FAF1: variants seen among roughly 807,000 people sequenced by gnomAD.
FAF1 encodes FAS-associated factor 1.
FAF1 carries 25 observed loss-of-function variants against 92.5 expected under a neutral mutation model. The ratio of observed to expected loss-of-function variants is 0.27; its 90% CI spans 0.20 to 0.38. The LOEUF (loss-of-function observed/expected upper bound fraction) is 0.38, where lower values mean the gene tolerates loss of function less well. Among genes scored for constraint, FAF1 ranks in the 10% least tolerant of loss-of-function variants. The probability of loss-of-function intolerance (pLI) is 1.00; values close to 1 mark genes in which losing one functional copy is unlikely to be tolerated. For synonymous variants in FAF1, 234 were observed against 273.2 expected, an observed-to-expected ratio of 0.86 and a Z score of 1.42; for missense variants, 636 against 793.3, an observed-to-expected ratio of 0.80 and a Z score of 2.38.
chr1:50,558,193 C>G (rs1015932037), intron 13 of FAF1, among the ~76,000 whole-genome samples: 11 of 151,576 alleles, frequency 7.3e-5, no homozygotes, highest in African/African-American at 1.5e-4. Flanking sequence ...GCCGCCGCAT[C>G]CAGCCTAAAT....
intron 2 of FAF1, among the ~76,000 whole-genome samples, chr1:50,828,228 C>T (rs1411621582): frequency 6.7e-6 from 1 of 149,692 alleles, no homozygotes; most frequent in Non-Finnish European, 1.5e-5. Context: ...AAAGATGGCA[C>T]TGCAGAGAAG....
intron 1 of FAF1, among the ~76,000 whole-genome samples, chr1:50,883,914 G>A (rs1481245301): frequency 6.6e-6 from 1 of 151,394 alleles, no homozygotes. Context: ...CACCTGAGGT[G>A]AGGAATTCCA....
At chr1:50,498,039 G>A (rs989798700) in intron 15 of FAF1, among the ~76,000 whole-genome samples, 4 of 152,060 alleles carry the variant, frequency 2.6e-5, no homozygotes, top group Admixed American at 6.5e-5. Context: ...AATTGAAACC[G>A]TGGTAGTGGC....
At chr1:50,864,329 T>G (rs1457076303) in intron 1 of FAF1, among the ~76,000 whole-genome samples, 16 of 151,016 alleles carry the variant, frequency 1.1e-4, no homozygotes, top group African/African-American at 3.7e-4. Flanking sequence ...CTGCTTTCTC[T>G]TGTGGGCATT....
At chr1:50,560,651 G>A (rs1649860168) in intron 13 of FAF1, among the ~76,000 whole-genome samples, 1 of 152,138 alleles carries the variant, frequency 6.6e-6, no homozygotes, top group East Asian at 1.9e-4. Context: ...ACTTACATAA[G>A]CAATTCATTT....
At chr1:50,540,902 T>C (rs760565596) in intron 13 of FAF1, among the ~76,000 whole-genome samples, 2 of 152,214 alleles carry the variant, frequency 1.3e-5, no homozygotes, top group Admixed American at 6.5e-5. Flanking sequence ...TAATTCTTAA[T>C]TATGTTCATG....
At chr1:50,751,324 T>A (rs1659857545) in intron 4 of FAF1, among the ~76,000 whole-genome samples, 1 of 151,958 alleles carries the variant, frequency 6.6e-6, no homozygotes, top group Admixed American at 6.6e-5. Flanking sequence ...TATTCAGCAT[T>A]TCTATTTGTT....
intron 17 of FAF1, among the ~76,000 whole-genome samples, chr1:50,480,437 G>A (rs545432559): frequency 3.8e-4 from 58 of 152,268 alleles, no homozygotes; most frequent in Middle Eastern, 3.4e-3. Flanking sequence ...GTTTATAGCT[G>A]GCTGAGGCAC....
At position 50,854,800 on chromosome 1, in the gene FAF1, G is replaced by A. The variant is rs574921195; in HGVS notation, c.114+3129C>T. 6.6e-5 allele frequency among the ~76,000 whole-genome samples: 10 copies of A among 151,738 alleles called. No individual in the cohort carries two copies. In the South Asian group the frequency reaches 8.3e-4, roughly 13 times the overall value. ...AATAGCTAAAATATTTGCAATCACCGTTTTTTTAGGAAGTTACTTTGAGCA... is the reference window on the plus strand; with the variant it reads ...AATAGCTAAAATATTTGCAATCACCATTTTTTTAGGAAGTTACTTTGAGCA... On this transcript the variant is annotated intron_variant, in intron 2 of 18. Coordinates refer to ENST00000396153, the MANE Select transcript of FAF1 (RefSeq NM_007051.3).
At chr1:50,671,164 G>A (rs530237800) in intron 7 of FAF1, among the ~76,000 whole-genome samples, 93 of 152,252 alleles carry the variant, frequency 6.1e-4, no homozygotes, top group African/African-American at 2.2e-3. Context: ...CAGCACTTTG[G>A]GAGGCTGAGG....
At chr1:50,643,467 T>A (rs181382832) in intron 8 of FAF1, among the ~76,000 whole-genome samples, 18 of 152,344 alleles carry the variant, frequency 1.2e-4, no homozygotes, top group Non-Finnish European at 2.4e-4. Flanking sequence ...TATTGCTGTA[T>A]CTTTAAATTC....
intron 7 of FAF1, among the ~76,000 whole-genome samples, chr1:50,681,190 G>A (rs144500896): frequency 1.0e-3 from 152 of 152,154 alleles, no homozygotes; most frequent in African/African-American, 3.5e-3. Context: ...AGGATTACAG[G>A]TGCCTGCAAC....
chr1:50,724,088 G>A (rs1213570166), intron 6 of FAF1, among the ~76,000 whole-genome samples: 1 of 152,024 alleles, frequency 6.6e-6, no homozygotes, highest in African/African-American at 2.4e-5. Flanking sequence ...AATTAGCCAA[G>A]CATGATGGCA....
rs953594097 is a variant in FAF1, at chr1:50,583,253, G to GA, written c.1031+398dup. The stretch of plus-strand genomic sequence containing the variant: ...GAAGAAATGTAAAGCAATTCCAAAA[G>GA]AAAAAAATAAAGGAAAAAATTCACT... On this transcript the variant is annotated intron_variant, in intron 11 of 18. Transcript: ENST00000396153. The surrounding 1 kb of genome is among the most constrained non-coding windows in gnomAD (Gnocchi z 4.2). Among the ~76,000 whole-genome samples the GA allele has an allele frequency of 6.6e-6, 1 of 150,552 alleles. No individual in the cohort carries two copies. Among genetic ancestry groups the GA allele is most frequent in the Non-Finnish European group, 1.5e-5 (1 of 67,520 alleles).
chr1:50,648,257 TCAAAA>T (rs548826664), intron 8 of FAF1, among the ~76,000 whole-genome samples: 17 of 151,722 alleles, frequency 1.1e-4, no homozygotes, highest in African/African-American at 2.2e-4. Flanking sequence ...AAACTCCGTC[TCAAAA>T]CAAAACAAAA....
intron 1 of FAF1, among the ~76,000 whole-genome samples, chr1:50,901,639 G>A (rs568436901): frequency 6.6e-6 from 1 of 152,154 alleles, no homozygotes; most frequent in Non-Finnish European, 1.5e-5. Context: ...GCCAAGGCAG[G>A]TGGATCACTT....
At chr1:50,828,908 A>T (rs1368216019) in intron 2 of FAF1, among the ~76,000 whole-genome samples, 1 of 152,216 alleles carries the variant, frequency 6.6e-6, no homozygotes, top group Non-Finnish European at 1.5e-5. Context: ...AACACACAAC[A>T]AAAAGCTTCT....
intron 1 of FAF1, among the ~76,000 whole-genome samples, chr1:50,885,312 T>TCTCTCACACACACACACACACACA (rs906105476): frequency 7.3e-6 from 1 of 137,444 alleles, no homozygotes; most frequent in African/African-American, 2.8e-5. Context: ...TCTCTCTCTC[T>TCTCTCACACACACACACACACACA]CACACACACA....
chr1:50,756,622 C>T (rs1192538272), intron 4 of FAF1, among the ~76,000 whole-genome samples: 3 of 152,178 alleles, frequency 2.0e-5, no homozygotes, highest in African/African-American at 7.2e-5. Context: ...TCCATTTTCA[C>T]GCTGCTGATA....
Sources: allele counts gnomAD v4.1 joint callset (sites outside exome capture counted in the v4.1 genomes callset), GRCh38; gene constraint gnomAD v4.1.1; non-coding constraint Gnocchi (gnomAD v3.1); transcripts MANE v1.5; gene names NCBI Gene and HGNC (gene_info 2026-07-23, HGNC 2026-07-21).